The following SLC35F3 variants were observed in gnomAD, a reference collection of about 807,000 sequenced individuals.
SLC35F3 encodes putative thiamine transporter SLC35F3.
SLC35F3 carries 25 observed loss-of-function variants against 49.9 expected under a neutral mutation model. The observed-to-expected ratio is 0.50, with a 90% CI of 0.37 to 0.70. The LOEUF (loss-of-function observed/expected upper bound fraction) is 0.70, where lower values mean the gene tolerates loss of function less well. SLC35F3 is among the 30% of genes least tolerant of loss of function. The pLI is 0.00. For synonymous variants in SLC35F3, 275 were observed against 265.4 expected (o/e 1.04, Z -0.35); for missense variants, 525 against 639.8 (o/e 0.82, Z 1.94).
chr1:234,168,320 G>A (rs1006655631), intron 2 of SLC35F3, among the ~76,000 whole-genome samples: 3 of 152,220 alleles, frequency 2.0e-5, no homozygotes, highest in South Asian at 2.1e-4. Flanking sequence ...CCAGGGGTCC[G>A]TGCAACTGGA....
At position 234,068,823 on chromosome 1, in the gene SLC35F3, T is replaced by TTATGTATATATA. The variant is rs1553302355; in HGVS notation, c.284-162591_284-162590insGTATATATATAT. Reference sequence around the variant, plus strand: ...GAGTGACAGGATAAGATTTGAGACATTATATATATATATATATATATATAT... The same window carrying TTATGTATATATA: ...GAGTGACAGGATAAGATTTGAGACATTATGTATATATATATATATATATATATATATATATAT... On this transcript the variant is annotated intron_variant, in intron 2 of 7. Transcript: ENST00000366618. Among the ~76,000 whole-genome samples the TTATGTATATATA allele has an allele frequency of 7.0e-5, 5 of 71,184 alleles. 1 individual carries two copies. Among genetic ancestry groups the TTATGTATATATA allele is most frequent in the Admixed American group, 4.2e-4 (2 of 4,786 alleles). The allele number at this position is 71,184 out of a possible 152,430, so 46.7% of individuals were successfully genotyped here. A position where few individuals can be genotyped will look rare whatever the true frequency, so the allele number is the denominator to read the frequency against.
At position 234,323,366 on chromosome 1, in the gene SLC35F3, T is replaced by G; in HGVS notation, c.*123T>G. 2 of 765,824 alleles carry G rather than the reference T, an allele frequency of 2.6e-6. No homozygotes were observed. Among genetic ancestry groups the G allele is most frequent in the Non-Finnish European group, 4.2e-6 (2 of 472,928 alleles). 47.4% of individuals were successfully genotyped at this position (765,824 alleles called of 1,614,324 possible). A position where few individuals can be genotyped will look rare whatever the true frequency, so the allele number is the denominator to read the frequency against. On this transcript the variant is annotated 3_prime_UTR_variant, in exon 8 of 8. Transcript: ENST00000366618. The surrounding 1 kb of genome is among the most constrained non-coding windows in gnomAD (Gnocchi z 4.5). ...TCATCTGCGGTAAGTTCTATGGTATTTATTGGCATGTCCAATTTGCTTGCA... is the reference window on the plus strand; with the variant it reads ...TCATCTGCGGTAAGTTCTATGGTATGTATTGGCATGTCCAATTTGCTTGCA...
At chr1:234,277,334 C>G (rs72761908) in intron 3 of SLC35F3, among the ~76,000 whole-genome samples, 1 of 151,988 alleles carries the variant, frequency 6.6e-6, no homozygotes, top group African/African-American at 2.4e-5. Context: ...GCTGCTGGAC[C>G]GCACTTGTCA....
intron 2 of SLC35F3, among the ~76,000 whole-genome samples, chr1:234,145,082 C>A (rs1272567545): frequency 6.6e-6 from 1 of 152,214 alleles, no homozygotes; most frequent in African/African-American, 2.4e-5. Flanking sequence ...CAGCGCAAGG[C>A]TCAGGACTAA....
At chr1:234,277,483 A>G (rs930986004) in intron 3 of SLC35F3, among the ~76,000 whole-genome samples, 4 of 152,242 alleles carry the variant, frequency 2.6e-5, no homozygotes, top group Non-Finnish European at 5.9e-5. Flanking sequence ...ACTCAAAGGC[A>G]TCTTTACATC....
At chr1:234,141,728 G>A (rs1296228849) in intron 2 of SLC35F3, among the ~76,000 whole-genome samples, 1 of 152,036 alleles carries the variant, frequency 6.6e-6, no homozygotes, top group Non-Finnish European at 1.5e-5. Flanking sequence ...CTGCCCATCG[G>A]ACCACTTGCT....
At chr1:234,181,526 G>GT (rs1196068860) in intron 2 of SLC35F3, among the ~76,000 whole-genome samples, 1 of 152,122 alleles carries the variant, frequency 6.6e-6, no homozygotes, top group Non-Finnish European at 1.5e-5. Context: ...ATATCCACAT[G>GT]TTGCAATTAG....
At position 234,318,708 on chromosome 1, in the gene SLC35F3, T is replaced by C. The variant is rs370672876; in HGVS notation, c.955-43T>C. On this transcript the variant is annotated intron_variant, in intron 5 of 7. Coordinates refer to ENST00000366618, the MANE Select transcript of SLC35F3 (RefSeq NM_173508.4). Reference sequence around the variant, plus strand: ...GCTTTGCTTACATCATATTGGGGTCTGAGGTGAGCCTTCACCCCGTCCTCC... The same window carrying C: ...GCTTTGCTTACATCATATTGGGGTCCGAGGTGAGCCTTCACCCCGTCCTCC... 25 of 1,566,370 alleles carry C rather than the reference T, an allele frequency of 1.6e-5. No individual in the cohort carries two copies. In the Middle Eastern group the frequency reaches 1.0e-3, roughly 64 times the overall value.
At chr1:234,156,785 AGAAAT>A (rs1377981123) in intron 2 of SLC35F3, among the ~76,000 whole-genome samples, 3 of 152,244 alleles carry the variant, frequency 2.0e-5, no homozygotes, top group African/African-American at 7.2e-5. Flanking sequence ...AGTAATAAAA[AGAAAT>A]GAAGTACCGA....
rs936263492 is a variant in SLC35F3 at position 234,117,701 on chromosome 1, A to G, written c.284-113716A>G. On this transcript the variant is annotated intron_variant, in intron 2 of 7. Coordinates refer to ENST00000366618, the MANE Select transcript of SLC35F3 (RefSeq NM_173508.4). ...GGAGATACAGACCATCCTGGCTAAC[A>G]TGGTGAAACCCCGTCTCTACTAAAA... Among the ~76,000 whole-genome samples, 5 of 151,642 alleles carry G rather than the reference A, an allele frequency of 3.3e-5. No individual in the cohort carries two copies. In the East Asian group the frequency reaches 9.8e-4, roughly 30 times the overall value.
chr1:234,239,530 G>C (rs1667521930), intron 3 of SLC35F3, among the ~76,000 whole-genome samples: 1 of 152,220 alleles, frequency 6.6e-6, no homozygotes, highest in Admixed American at 6.5e-5. Context: ...GGACTTTGAG[G>C]ATTCTCTGAT....
At chr1:234,070,707 C>A (rs1371874383) in intron 2 of SLC35F3, among the ~76,000 whole-genome samples, 1 of 152,004 alleles carries the variant, frequency 6.6e-6, no homozygotes, top group Non-Finnish European at 1.5e-5. Flanking sequence ...TATTAGTTAA[C>A]ATCTTTTTCT....
At chr1:234,094,142 C>G (rs1665084493) in intron 2 of SLC35F3, among the ~76,000 whole-genome samples, 1 of 152,210 alleles carries the variant, frequency 6.6e-6, no homozygotes, top group Non-Finnish European at 1.5e-5. Context: ...GCCTTCACCT[C>G]TGGGGACTCA....
chr1:234,018,381 C>T (rs980006318), intron 2 of SLC35F3, among the ~76,000 whole-genome samples: 1 of 152,210 alleles, frequency 6.6e-6, no homozygotes, highest in African/African-American at 2.4e-5. Context: ...GAGGAATGTA[C>T]AGCCAGGAAT....
At chr1:234,047,680 TAC>T (rs965509058) in intron 2 of SLC35F3, among the ~76,000 whole-genome samples, 6 of 142,876 alleles carry the variant, frequency 4.2e-5, no homozygotes. Flanking sequence ...ATCATACACA[TAC>T]ACACACACAC....
intron 2 of SLC35F3, among the ~76,000 whole-genome samples, chr1:234,188,967 C>G (rs986752536): frequency 6.6e-6 from 1 of 152,022 alleles, no homozygotes; most frequent in East Asian, 1.9e-4. Context: ...TACTACCGTT[C>G]GGCTCTCAGG....
At chr1:233,908,465 G>T (rs948353953) in intron 2 of SLC35F3, among the ~76,000 whole-genome samples, 1 of 151,126 alleles carries the variant, frequency 6.6e-6, no homozygotes, top group East Asian at 1.9e-4. Context: ...AATTACCTTT[G>T]CTCAGTATTC....
Position 233,998,398 on chromosome 1 carries a change from C to A in SLC35F3, c.283+92640C>A, listed in dbSNP as rs542867249. ...AACTCTTTCGGGGCAAAAATCATGTCGGATTTTTCTCTGTGTTCCCAACAC... is the reference window on the plus strand; with the variant it reads ...AACTCTTTCGGGGCAAAAATCATGTAGGATTTTTCTCTGTGTTCCCAACAC... On this transcript the variant is annotated intron_variant, in intron 2 of 7. Coordinates refer to ENST00000366618, the MANE Select transcript of SLC35F3 (RefSeq NM_173508.4). Among the ~76,000 whole-genome samples the A allele has an allele frequency of 7.2e-5, 11 of 151,756 alleles. 1 individual carries two copies. The South Asian group carries it at 2.1e-3, about 29-fold the overall frequency.
chr1:233,909,554 C>T (rs1360516372), intron 2 of SLC35F3, among the ~76,000 whole-genome samples: 3 of 152,240 alleles, frequency 2.0e-5, no homozygotes, highest in African/African-American at 7.2e-5. Flanking sequence ...TTGCTCTACT[C>T]TTTCCTAGTT....
Sources: allele counts gnomAD v4.1 joint callset (sites outside exome capture counted in the v4.1 genomes callset), GRCh38; gene constraint gnomAD v4.1.1; non-coding constraint Gnocchi (gnomAD v3.1); transcripts MANE v1.5; gene names NCBI Gene and HGNC (gene_info 2026-07-23, HGNC 2026-07-21).